The following DQX1 variants were observed in gnomAD, a reference collection of about 807,000 sequenced individuals.
DQX1 encodes the protein ATP-dependent RNA helicase homolog DQX1.
Under a neutral mutation model 81.3 loss-of-function variants are expected in DQX1, and 66 were observed. That is an observed-to-expected ratio of 0.81 (90% confidence interval 0.67 to 1.00). DQX1 has a LOEUF of 1.00. DQX1 is among the 50% of genes least tolerant of loss of function. The probability of loss-of-function intolerance (pLI) is 0.00; values close to 1 mark genes in which losing one functional copy is unlikely to be tolerated. For missense variants in DQX1, 798 were observed against 867.9 expected (o/e 0.92, Z 1.01); for synonymous variants, 290 against 350.0 (o/e 0.83, Z 1.91).
At position 74,520,040 on chromosome 2, in the gene DQX1, G is replaced by A. The variant is rs201768704; in HGVS notation, c.1496-6C>T. On this transcript the variant is annotated splice_region_variant and splice_polypyrimidine_tract_variant and intron_variant, in intron 8 of 11. Transcript: ENST00000404568. ...ACGGGTAAACCCAGGGGCAGCTGGA[G>A]GCAGAAGAGTGGAAGGTAGAATCTG... is the stretch of plus-strand genomic sequence containing the variant. The A allele has an allele frequency of 2.0e-5, 32 of 1,610,408 alleles. No individual in the cohort carries two copies. The highest frequency in any genetic ancestry group is 2.4e-5 in the Non-Finnish European group (28 of 1,177,160).
At chr2:74,519,526 A>T in intron 10 of DQX1, 30 bp downstream of exon 10, 1 of 1,603,318 alleles carries the variant, frequency 6.2e-7, no homozygotes, top group African/African-American at 1.3e-5. Flanking sequence ...TGCTCCTTTG[A>T]TCACCCTCAC....
chr2:74,521,447 T>C (rs1675019953), intron 8 of DQX1, among the ~76,000 whole-genome samples: 1 of 152,070 alleles, frequency 6.6e-6, no homozygotes, highest in South Asian at 2.1e-4. Context: ...GTCAGGACTT[T>C]GAGACCAGCT....
At position 74,522,976 on chromosome 2, in the gene DQX1, G is replaced by C; in HGVS notation, c.1183C>G (p.Leu395Val). 6.2e-7 allele frequency: 1 copy of C among 1,614,186 alleles called. No individual in the cohort carries two copies. The highest frequency in any genetic ancestry group is 8.5e-7 in the Non-Finnish European group (1 of 1,180,030). Residue 395 changes from leucine (L) to valine (V), a missense_variant, in exon 7 of 12, where the codon CTA becomes GTA. Leu to Val is a conservative substitution (Grantham distance 32). Transcript: ENST00000404568. ...GGTTGTGGCAATGGTGGAGCTTCTA[G>C]TTCTAAGAAGGACTTAGGATACAGG... Reference protein sequence around the residue: ...LCLYPKSFLELEAPPLPQPRV... With the variant: ...LCLYPKSFLEVEAPPLPQPRV...
intron 8 of DQX1, among the ~76,000 whole-genome samples, chr2:74,521,988 C>G (rs909886060): frequency 6.6e-6 from 1 of 152,164 alleles, no homozygotes; most frequent in Non-Finnish European, 1.5e-5. Context: ...GAATAGAACC[C>G]TGAGGACCAA....
rs757271370 is a variant in DQX1, at chr2:74,519,127, G to A, written c.1910C>T (p.Ala637Val). 55 of 1,613,286 alleles carry A rather than the reference G, an allele frequency of 3.4e-5. No individual in the cohort carries two copies. In the Middle Eastern group the frequency reaches 4.9e-4, roughly 15 times the overall value. Residue 637 changes from alanine (A) to valine (V), a missense_variant, in exon 11 of 12, where the codon GCC becomes GTC. By Grantham distance (64) the Ala-to-Val change is moderately conservative (BLOSUM62 0). Coordinates refer to ENST00000404568, the MANE Select transcript of DQX1 (RefSeq NM_133637.3). ...YCCYRSRRAPARPPPWVLYHN... is the reference protein window; with the variant it reads ...YCCYRSRRAPVRPPPWVLYHN... ...GTAGAGCACCCATGGTGGGGGTCTG[G>A]CAGGAGCTCTGCGGCTTCGGTAGCA...
rs1273868201 is a variant in DQX1, at chr2:74,522,620, G to C, written c.1455C>G (p.Asp485Glu). The change falls in exon 8 of 12, where the codon GAC becomes GAG. Residue 485 changes from aspartate to glutamate, a missense_variant. Coordinates refer to ENST00000404568, the MANE Select transcript of DQX1 (RefSeq NM_133637.3). ...AKALLASCEF[D>E]CVDEMLTLAA... Reference sequence around the variant, plus strand: ...CCAGGGTGAGCATCTCGTCCACACAGTCAAACTCGCATGAGGCCAGCAGGG... The same window carrying C: ...CCAGGGTGAGCATCTCGTCCACACACTCAAACTCGCATGAGGCCAGCAGGG... The C allele has an allele frequency of 6.2e-7, 1 of 1,614,196 alleles. No individual in the cohort carries two copies. Among genetic ancestry groups the C allele is most frequent in the Admixed American group, 1.7e-5 (1 of 60,024 alleles).
intron 11 of DQX1, 86 bp from the exon 12 acceptor site, chr2:74,518,688 C>G: frequency 7.3e-7 from 1 of 1,374,818 alleles, no homozygotes; most frequent in Non-Finnish European, 1.0e-6. Flanking sequence ...GCTCTGTTAC[C>G]TGGGCTGGAG....
rs764150556 is a variant in DQX1, at chr2:74,519,192, G to A, written c.1845C>T (p.Leu615=). The change falls in exon 11 of 12, where the codon CTC becomes CTT. Residue 615 remains leucine (L), a synonymous_variant. Coordinates refer to ENST00000404568, the MANE Select transcript of DQX1 (RefSeq NM_133637.3). Reference sequence around the variant, plus strand: ...GCTGGGCCACATGCTTATGGGTTAGGAGAAGGTAATTTCCAGTCCCGTCTG... The same window carrying A: ...GCTGGGCCACATGCTTATGGGTTAGAAGAAGGTAATTTCCAGTCCCGTCTG... ...RDTDGTGNYL[L]LTHKHVAQLS... The A allele has an allele frequency of 4.4e-6, 7 of 1,597,596 alleles. No individual in the cohort carries two copies. The highest frequency in any genetic ancestry group is 6.0e-6 in the Non-Finnish European group (7 of 1,171,940).
chr2:74,519,873 C>T (rs753343867), intron 9 of DQX1, 42 bp downstream of exon 9: 1 of 1,602,878 alleles, frequency 6.2e-7, no homozygotes, highest in Non-Finnish European at 8.5e-7. Context: ...AATTTCCCCT[C>T]TTTGGAAAAT....
intron 3 of DQX1, 127 bp from the exon 4 acceptor site, chr2:74,524,434 C>T: frequency 7.5e-7 from 1 of 1,324,590 alleles, no homozygotes; most frequent in Non-Finnish European, 1.0e-6. Flanking sequence ...CTGTGACTTC[C>T]TGAGCCTATG....
Position 74,525,332 on chromosome 2 carries a change from G to A in DQX1, c.238-130C>T. The A allele has an allele frequency of 7.9e-7, 1 of 1,265,172 alleles. No individual in the cohort carries two copies. The highest frequency in any genetic ancestry group is 1.1e-6 in the Non-Finnish European group (1 of 929,266). 78.4% of individuals were successfully genotyped at this position (1,265,172 alleles called of 1,614,324 possible). A position where few individuals can be genotyped will look rare whatever the true frequency, so the allele number is the denominator to read the frequency against. ...CCCCTGGTCTTTCACCAGCCTCCAGGGCCAACCTAACCCATCCCATCTCTC... is the reference window on the plus strand; with the variant it reads ...CCCCTGGTCTTTCACCAGCCTCCAGAGCCAACCTAACCCATCCCATCTCTC... On this transcript the variant is annotated intron_variant, in intron 2 of 11. Coordinates refer to ENST00000404568, the MANE Select transcript of DQX1 (RefSeq NM_133637.3). The surrounding 1 kb of genome is among the most constrained non-coding windows in gnomAD (Gnocchi z 4.1).
In DQX1 at chr2:74,518,514, C is replaced by T; in HGVS notation, c.2086G>A (p.Ala696Thr). Reference protein sequence around the residue: ...DLLNQLREGMADSTAGSKSSS... With the variant: ...DLLNQLREGMTDSTAGSKSSS... Reference sequence around the variant, plus strand: ...GATTTGCTCCCTGCTGTAGAATCTGCCATTCCTTCCCTTAGCTGGTTCAGA... The same window carrying T: ...GATTTGCTCCCTGCTGTAGAATCTGTCATTCCTTCCCTTAGCTGGTTCAGA... Residue 696 changes from alanine (A) to threonine (T), a missense_variant, in exon 12 of 12, where the codon GCA becomes ACA. By Grantham distance (58) the Ala-to-Thr change is moderately conservative. Transcript: ENST00000404568. 7 of 1,614,226 alleles carry T rather than the reference C, an allele frequency of 4.3e-6. No homozygotes were observed. The highest frequency in any genetic ancestry group is 5.9e-6 in the Non-Finnish European group (7 of 1,180,042).
chr2:74,523,068 C>A (rs777221645), intron 6 of DQX1, 51 bp downstream of exon 6: 4 of 1,613,952 alleles, frequency 2.5e-6, no homozygotes, highest in Non-Finnish European at 8.5e-7. Flanking sequence ...TCAGGGCTTG[C>A]ATGTTGGTGA....
Position 74,523,198 on chromosome 2 carries a change from T to C in DQX1, c.1065A>G (p.Arg355=). 3 of 1,614,144 alleles carry C rather than the reference T, an allele frequency of 1.9e-6. No homozygotes were observed. Among genetic ancestry groups the C allele is most frequent in the Non-Finnish European group, 2.5e-6 (3 of 1,180,026 alleles). ...ELRSVYNPRI[R]AEFQVLRPIS... ...TTGGCCTCAACACTTGGAATTCTGCTCGGATCCTAGGATTGTAAACCTGTT... is the reference window on the plus strand; with the variant it reads ...TTGGCCTCAACACTTGGAATTCTGCCCGGATCCTAGGATTGTAAACCTGTT... Residue 355 remains arginine (R), a synonymous_variant, in exon 6 of 12, where the codon CGA becomes CGG. Transcript: ENST00000404568.
rs1167446354 is a variant in DQX1 at position 74,518,283 on chromosome 2, A to G, written c.*163T>C. On this transcript the variant is annotated 3_prime_UTR_variant, in exon 12 of 12. Coordinates refer to ENST00000404568, the MANE Select transcript of DQX1 (RefSeq NM_133637.3). Reference sequence around the variant, plus strand: ...CCCTATGTAGACTGTGGTTTACCCCATTCTTTCCATTCCCAGTCTACCATT... The same window carrying G: ...CCCTATGTAGACTGTGGTTTACCCCGTTCTTTCCATTCCCAGTCTACCATT... The G allele has an allele frequency of 6.5e-6, 5 of 775,040 alleles. No homozygotes were observed. Among genetic ancestry groups the G allele is most frequent in the Non-Finnish European group, 1.0e-5 (5 of 495,410 alleles). The allele number at this position is 775,040 out of a possible 1,614,324, so 48.0% of individuals were successfully genotyped here.
intron 10 of DQX1, 93 bp downstream of exon 10, chr2:74,519,463 C>A: frequency 6.6e-7 from 1 of 1,504,088 alleles, no homozygotes; most frequent in Non-Finnish European, 9.0e-7. Flanking sequence ...TTTGAATGGC[C>A]ACCTGGACCC....
At position 74,522,866 on chromosome 2, in the gene DQX1, C is replaced by A. The variant is rs781518203; in HGVS notation, c.1293G>T (p.Leu431=). The A allele has an allele frequency of 1.2e-6, 2 of 1,613,830 alleles. No homozygotes were observed. Among genetic ancestry groups the A allele is most frequent in the African/African-American group, 2.7e-5 (2 of 75,016 alleles). The change falls in exon 7 of 12, where the codon CTG becomes CTT. Residue 431 remains leucine, a synonymous_variant. Coordinates refer to ENST00000404568, the MANE Select transcript of DQX1 (RefSeq NM_133637.3). ...AGGAGAGGTGCTCACCAGGCTGGTC[C>A]AGGAAGTGACACTCCCCTGGCTCTG... The part of the protein sequence containing the change: ...QIAEPGECHF[L]DQPAPEALMQ...
Position 74,525,693 on chromosome 2 carries a change from C to G in DQX1, c.37G>C (p.Gly13Arg), listed in dbSNP as rs1675161839. 6.4e-7 allele frequency: 1 copy of G among 1,551,722 alleles called. No homozygotes were observed. The highest frequency in any genetic ancestry group is 1.2e-5 in the South Asian group (1 of 84,064). Reference protein sequence around the residue: ...SQPLRLAEEYGPSPGESELAV... With the variant: ...SQPLRLAEEYRPSPGESELAV... ...AGTTCAGACTCCCCAGGACTTGGGC[C>G]ATACTCTTCTGCTAGCCTGAGAGGC... is the stretch of plus-strand genomic sequence containing the variant. Residue 13 changes from glycine (G) to arginine (R), a missense_variant, in exon 2 of 12, where the codon GGC (glycine) becomes CGC (arginine). Transcript: ENST00000404568. This position sits in a 1 kb window ranked among gnomAD's most constrained non-coding sequence, Gnocchi z 4.1.
Position 74,518,591 on chromosome 2 carries a change from A to C in DQX1, c.2009T>G (p.Leu670Trp). 1 of 1,614,144 alleles carries C rather than the reference A, an allele frequency of 6.2e-7. No homozygotes were observed. Among genetic ancestry groups the C allele is most frequent in the Non-Finnish European group, 8.5e-7 (1 of 1,179,980 alleles). ...GTTACTCAGGAAGTATGGAGGGGCCAATTCCACCAGCCTAATAGAGAGAGT... is the reference window on the plus strand; with the variant it reads ...GTTACTCAGGAAGTATGGAGGGGCCCATTCCACCAGCCTAATAGAGAGAGT... Reference protein sequence around the residue: ...SEIQPQMLVELAPPYFLSNLP... With the variant: ...SEIQPQMLVEWAPPYFLSNLP... Residue 670 changes from leucine (L) to tryptophan (W), a missense_variant, in exon 12 of 12, where the codon TTG (leucine) becomes TGG (tryptophan). By Grantham distance (61) the Leu-to-Trp change is moderately conservative (BLOSUM62 -2). Transcript: ENST00000404568.
Sources: allele counts gnomAD v4.1 joint callset (sites outside exome capture counted in the v4.1 genomes callset), GRCh38; gene constraint gnomAD v4.1.1; non-coding constraint Gnocchi (gnomAD v3.1); transcripts MANE v1.5; gene names NCBI Gene and HGNC (gene_info 2026-07-23, HGNC 2026-07-21).